DPP10: variants seen among roughly 807,000 people sequenced by gnomAD.
DPP10 encodes inactive dipeptidyl peptidase 10.
Under a neutral mutation model 120.9 loss-of-function variants are expected in DPP10, and 33 were observed. The ratio of observed to expected loss-of-function variants is 0.27; its 90% CI spans 0.21 to 0.37. DPP10 has a LOEUF of 0.37. Ranked by LOEUF, DPP10 falls within the 10% of genes least tolerant of loss-of-function variation. The probability of loss-of-function intolerance (pLI) is 1.00; values close to 1 mark genes in which losing one functional copy is unlikely to be tolerated. For synonymous variants in DPP10, 337 were observed against 326.1 expected (o/e 1.03, Z -0.36); for missense variants, 816 against 942.8 (o/e 0.87, Z 1.76).
At chr2:114,628,005 T>G (rs939372960) in intron 1 of DPP10, among the ~76,000 whole-genome samples, 5 of 152,160 alleles carry the variant, frequency 3.3e-5, no homozygotes, top group Non-Finnish European at 5.9e-5. Flanking sequence ...TCTTGGATTT[T>G]GCAGATTACT....
At chr2:115,263,158 C>T (rs1407743972) in intron 1 of DPP10, among the ~76,000 whole-genome samples, 1 of 152,172 alleles carries the variant, frequency 6.6e-6, no homozygotes, top group Non-Finnish European at 1.5e-5. Flanking sequence ...GAAGTCACAT[C>T]TTCTGGGTCA....
At chr2:115,374,824 A>G (rs945845850) in intron 3 of DPP10, among the ~76,000 whole-genome samples, 1 of 152,156 alleles carries the variant, frequency 6.6e-6, no homozygotes, top group African/African-American at 2.4e-5. Flanking sequence ...TATGGATAAA[A>G]CTGGAGTGCT....
intron 1 of DPP10, among the ~76,000 whole-genome samples, chr2:114,790,167 A>C (rs1050047892): frequency 6.6e-6 from 1 of 152,234 alleles, no homozygotes; most frequent in African/African-American, 2.4e-5. Context: ...TAAAAAGCTC[A>C]GCAACAGAAT....
At chr2:114,637,218 T>C (rs1695366483) in intron 1 of DPP10, among the ~76,000 whole-genome samples, 2 of 151,936 alleles carry the variant, frequency 1.3e-5, no homozygotes, top group African/African-American at 4.9e-5. Context: ...ATAATATAAA[T>C]AATTATATTT....
chr2:115,506,366 T>C (rs1261526313), intron 4 of DPP10, among the ~76,000 whole-genome samples: 1 of 152,118 alleles, frequency 6.6e-6, no homozygotes, highest in African/African-American at 2.4e-5. Context: ...ATTTTCCCTG[T>C]CTCCTACTTC....
At chr2:114,589,315 T>A (rs540362432) in intron 1 of DPP10, among the ~76,000 whole-genome samples, 17 of 152,320 alleles carry the variant, frequency 1.1e-4, no homozygotes, top group Non-Finnish European at 2.4e-4. Flanking sequence ...TGTAGGCACT[T>A]GCTGCTCGGT....
At chr2:114,849,588 G>A (rs551015418) in intron 1 of DPP10, among the ~76,000 whole-genome samples, 77 of 152,236 alleles carry the variant, frequency 5.1e-4, no homozygotes, top group African/African-American at 1.7e-3. Context: ...CAAGACTCAA[G>A]TGATCCTCCC....
chr2:115,800,582 G>C (rs940486140), intron 19 of DPP10, among the ~76,000 whole-genome samples: 1 of 152,076 alleles, frequency 6.6e-6, no homozygotes, highest in Non-Finnish European at 1.5e-5. Context: ...TAACGTTTAA[G>C]TCTTTAATCC....
chr2:115,466,222 T>A (rs534639357), intron 3 of DPP10, among the ~76,000 whole-genome samples: 2 of 152,300 alleles, frequency 1.3e-5, no homozygotes, highest in East Asian at 3.9e-4. Flanking sequence ...CACCTGGGAC[T>A]CTTTAGAACC....
At chr2:114,976,292 A>G (rs1382037762) in intron 1 of DPP10, among the ~76,000 whole-genome samples, 1 of 152,100 alleles carries the variant, frequency 6.6e-6, no homozygotes, top group Non-Finnish European at 1.5e-5. Context: ...GCATTTATAT[A>G]CCATTCTATA....
At chr2:115,410,319 C>T (rs143300304) in intron 3 of DPP10, among the ~76,000 whole-genome samples, 177 of 152,256 alleles carry the variant, frequency 1.2e-3, no homozygotes, top group Non-Finnish European at 2.0e-3. Context: ...AATGAGATCG[C>T]GCCCTTTGCA....
At chr2:115,059,030 C>T (rs1306806482) in intron 1 of DPP10, among the ~76,000 whole-genome samples, 1 of 152,164 alleles carries the variant, frequency 6.6e-6, no homozygotes, top group Non-Finnish European at 1.5e-5. Context: ...AACTAGGAAT[C>T]CATTCGTGTC....
intron 1 of DPP10, among the ~76,000 whole-genome samples, chr2:115,220,952 TTA>T (rs2057120254): frequency 1.9e-5 from 1 of 53,298 alleles, no homozygotes; most frequent in African/African-American, 5.1e-5. Flanking sequence ...AACTAAAATA[TTA>T]TATAATCAGT....
At chr2:115,516,602 G>A (rs1037202) in intron 4 of DPP10, among the ~76,000 whole-genome samples, 31,009 of 134,602 alleles carry the variant, frequency 0.23, 3,791 homozygotes, top group East Asian at 0.41. Flanking sequence ...CAAGTGAATT[G>A]CACATTCAGA....
intron 3 of DPP10, among the ~76,000 whole-genome samples, chr2:115,401,068 G>T (rs978961844): frequency 6.6e-6 from 1 of 152,172 alleles, no homozygotes; most frequent in Non-Finnish European, 1.5e-5. Context: ...GAAAATGAGC[G>T]AGCCATAGAA....
At chr2:114,779,531 A>G (rs1312197022) in intron 1 of DPP10, among the ~76,000 whole-genome samples, 2 of 152,138 alleles carry the variant, frequency 1.3e-5, no homozygotes, top group Non-Finnish European at 2.9e-5. Context: ...GACTTCTTAC[A>G]TACAAGCTGC....
chr2:115,292,211 G>A (rs1220724833), intron 1 of DPP10, among the ~76,000 whole-genome samples: 1 of 152,074 alleles, frequency 6.6e-6, no homozygotes, highest in East Asian at 1.9e-4. Context: ...AATCCCTTCA[G>A]TAACATCCTT....
chr2:115,032,493 G>A (rs986586762), intron 1 of DPP10, among the ~76,000 whole-genome samples: 1 of 152,140 alleles, frequency 6.6e-6, no homozygotes, highest in African/African-American at 2.4e-5. Flanking sequence ...ATAATCAACT[G>A]AGTGTTAATA....
At chr2:114,810,519 A>G (rs1486060112) in intron 1 of DPP10, among the ~76,000 whole-genome samples, 1 of 152,220 alleles carries the variant, frequency 6.6e-6, no homozygotes, top group Non-Finnish European at 1.5e-5. Flanking sequence ...ATCATACAAT[A>G]AGATATTTTA....
Sources: gnomAD v4.1 joint callset for allele counts (sites outside exome capture counted in the v4.1 genomes callset) on GRCh38, gnomAD v4.1.1 for gene constraint, MANE v1.5 for transcripts, NCBI Gene and HGNC (gene_info 2026-07-23, HGNC 2026-07-21) for gene names.